The following CACNA1C variants were observed in gnomAD, a reference collection of about 807,000 sequenced individuals.
The protein encoded by CACNA1C is voltage-dependent L-type calcium channel subunit alpha-1C.
Under a neutral mutation model 229.0 loss-of-function variants are expected in CACNA1C, and 30 were observed. The ratio of observed to expected loss-of-function variants is 0.13; its 90% CI spans 0.10 to 0.18. The LOEUF (loss-of-function observed/expected upper bound fraction) is 0.18, where lower values mean the gene tolerates loss of function less well. CACNA1C is among the 10% of genes least tolerant of loss of function. CACNA1C has a pLI of 1.00. For synonymous variants in CACNA1C, 1,114 were observed against 1,132.5 expected, an observed-to-expected ratio of 0.98 and a Z score of 0.33; for missense variants, 1,658 against 2,845.0, an observed-to-expected ratio of 0.58 and a Z score of 9.49.
At chr12:2,284,219 C>G (rs1423576568) in intron 3 of CACNA1C, among the ~76,000 whole-genome samples, 1 of 151,076 alleles carries the variant, frequency 6.6e-6, no homozygotes, top group Non-Finnish European at 1.5e-5. Flanking sequence ...GTGGGGTAAG[C>G]TGGGGAGAGG....
At chr12:2,022,601 A>G (rs141472319) in intron 1 of CACNA1C, among the ~76,000 whole-genome samples, 203 of 151,610 alleles carry the variant, frequency 1.3e-3, no homozygotes, top group Non-Finnish European at 2.1e-3. Flanking sequence ...ATGTGACTAC[A>G]CCCAGCTAAT....
intron 29 of CACNA1C, among the ~76,000 whole-genome samples, chr12:2,615,558 T>C (rs1322804052): frequency 1.3e-5 from 2 of 151,740 alleles, no homozygotes; most frequent in Non-Finnish European, 2.9e-5. Flanking sequence ...AAACTCCCAA[T>C]TGCACTTTGC....
chr12:2,528,877 G>C (rs1421873850), intron 9 of CACNA1C, among the ~76,000 whole-genome samples: 2 of 152,182 alleles, frequency 1.3e-5, no homozygotes, highest in African/African-American at 4.8e-5. Flanking sequence ...GTGATCTGAG[G>C]ATGGATGTTT....
At chr12:2,013,065 C>G (rs2044710024) in intron 1 of CACNA1C, among the ~76,000 whole-genome samples, 1 of 152,174 alleles carries the variant, frequency 6.6e-6, no homozygotes, top group Admixed American at 6.5e-5. Context: ...ATGTCTTTCT[C>G]TTTTGGAGAC....
At position 2,679,347 on chromosome 12, in the gene CACNA1C, C is replaced by T. The variant is rs2097004053; in HGVS notation, c.5092-97C>T. 2 of 931,534 alleles carry T rather than the reference C, an allele frequency of 2.1e-6. No individual in the cohort carries two copies. The highest frequency in any genetic ancestry group is 3.1e-6 in the Non-Finnish European group (2 of 636,872). The allele number at this position is 931,534 out of a possible 1,614,324, so 57.7% of individuals were successfully genotyped here. On this transcript the variant is annotated intron_variant, in intron 41 of 46. Transcript: ENST00000399655. This position sits in a 1 kb window ranked among gnomAD's most constrained non-coding sequence, Gnocchi z 5.5. ...CCCGAAAGAAGGCAGCCCGCCTTCC[C>T]AGGCCCTGCACTTCCCTGACCTGGC...
chr12:2,093,244 G>A (rs1321307981), intron 1 of CACNA1C, among the ~76,000 whole-genome samples: 1 of 152,190 alleles, frequency 6.6e-6, no homozygotes, highest in Non-Finnish European at 1.5e-5. Flanking sequence ...TCCTTCCCAG[G>A]GAGGCTAGTG....
At position 2,579,616 on chromosome 12, in the gene CACNA1C, C is replaced by T. The variant is rs139779649; in HGVS notation, c.1896-1974C>T. On this transcript the variant is annotated intron_variant, in intron 13 of 46. Coordinates refer to ENST00000399655, the MANE Select transcript of CACNA1C (RefSeq NM_000719.7). ...AATATTTTAGGACAGGGTCTCACTC[C>T]GTCACCCAGGATGAAGGGCAATGGT... 4.8e-3 allele frequency among the ~76,000 whole-genome samples: 737 copies of T among 152,148 alleles called. 20 individuals carry two copies. Among genetic ancestry groups the T allele is most frequent in the Admixed American group, 0.041 (629 of 15,284 alleles).
rs940550602 is a variant in CACNA1C, at chr12:2,144,245, C to G, written c.477+23815C>G. Among the ~76,000 whole-genome samples the G allele has an allele frequency of 2.6e-5, 4 of 151,298 alleles. 1 individual carries two copies. The Admixed American group carries it at 2.7e-4, about 10-fold the overall frequency. On this transcript the variant is annotated intron_variant, in intron 3 of 46. Coordinates refer to ENST00000399655, the MANE Select transcript of CACNA1C (RefSeq NM_000719.7). The stretch of plus-strand genomic sequence containing the variant: ...GAATTGGAGTGGTAGAAAAGGATTT[C>G]TTGGAAGAAGCCGGGCTTGAGTGCC...
At chr12:2,377,326 A>G (rs948938812) in intron 3 of CACNA1C, among the ~76,000 whole-genome samples, 4 of 152,114 alleles carry the variant, frequency 2.6e-5, no homozygotes, top group Non-Finnish European at 4.4e-5. Context: ...TGATGTTGTC[A>G]TGCCGAAGCC....
intron 10 of CACNA1C, among the ~76,000 whole-genome samples, chr12:2,555,544 A>G (rs1044023781): frequency 3.3e-5 from 5 of 152,216 alleles, no homozygotes; most frequent in African/African-American, 1.2e-4. Flanking sequence ...CCAGCACCCA[A>G]TTAGCAGCTG....
At chr12:2,317,173 G>T (rs533011678) in intron 3 of CACNA1C, among the ~76,000 whole-genome samples, 2 of 152,254 alleles carry the variant, frequency 1.3e-5, no homozygotes, top group African/African-American at 4.8e-5. Context: ...GCACCCTAAA[G>T]AATTGAAAGC....
At chr12:2,005,857 T>G (rs1041904037) in intron 1 of CACNA1C, among the ~76,000 whole-genome samples, 5 of 152,224 alleles carry the variant, frequency 3.3e-5, no homozygotes, top group Non-Finnish European at 5.9e-5. Flanking sequence ...ACATTGCAGC[T>G]AAGCTTTGAG....
intron 1 of CACNA1C, among the ~76,000 whole-genome samples, chr12:2,024,736 C>T (rs1364644923): frequency 6.6e-6 from 1 of 152,200 alleles, no homozygotes; most frequent in Non-Finnish European, 1.5e-5. Context: ...TAAGATGAAC[C>T]AAAGGGCCTG....
intron 8 of CACNA1C, among the ~76,000 whole-genome samples, chr12:2,507,362 C>T (rs1020078883): frequency 1.3e-5 from 2 of 152,158 alleles, no homozygotes; most frequent in African/African-American, 4.8e-5. Flanking sequence ...AAGGGCTGGC[C>T]ACTCTGAATT....
At position 2,346,972 on chromosome 12, in the gene CACNA1C, G is replaced by A. The variant is rs1010640239; in HGVS notation, c.478-102004G>A. On this transcript the variant is annotated intron_variant, in intron 3 of 46. Coordinates refer to ENST00000399655, the MANE Select transcript of CACNA1C (RefSeq NM_000719.7). This position sits in a 1 kb window ranked among gnomAD's most constrained non-coding sequence, Gnocchi z 4.4. ...TTGTATAACCCTTTCCACTGGCTGG[G>A]GCCACAGACCTTACAGGACTAAGAG... Among the ~76,000 whole-genome samples, 8 of 152,062 alleles carry A rather than the reference G, an allele frequency of 5.3e-5. No individual in the cohort carries two copies. Among genetic ancestry groups the A allele is most frequent in the Non-Finnish European group, 1.2e-4 (8 of 68,030 alleles).
chr12:2,327,225 A>G (rs957229631), intron 3 of CACNA1C, among the ~76,000 whole-genome samples: 1 of 152,194 alleles, frequency 6.6e-6, no homozygotes, highest in Non-Finnish European at 1.5e-5. Flanking sequence ...CTTGAGATTG[A>G]GGTCCTGGAT....
At chr12:2,139,286 C>T (rs2093891594) in intron 3 of CACNA1C, among the ~76,000 whole-genome samples, 1 of 151,150 alleles carries the variant, frequency 6.6e-6, no homozygotes, top group Non-Finnish European at 1.5e-5. Context: ...GTGTTTGTGT[C>T]TCTGTGTCCA....
At chr12:2,517,368 GAC>G (rs1488611360) in intron 9 of CACNA1C, among the ~76,000 whole-genome samples, 4 of 152,216 alleles carry the variant, frequency 2.6e-5, no homozygotes, top group Middle Eastern at 3.2e-3. Flanking sequence ...ATGGCCTCAA[GAC>G]AGTCAGTGTC....
rs1293330769 is a variant in CACNA1C, at chr12:2,697,232, C to G, written c.*6033C>G. The G allele has an allele frequency of 6.6e-6, 1 of 152,232 alleles. No individual in the cohort carries two copies. The highest frequency in any genetic ancestry group is 1.5e-5 in the Non-Finnish European group (1 of 68,072). The allele number at this position is 152,232 out of a possible 1,614,324, so 9.4% of individuals were successfully genotyped here. On this transcript the variant is annotated 3_prime_UTR_variant, in exon 47 of 47. Transcript: ENST00000399655. ...TTATATACCACCCCATTGCCATGTC[C>G]TGTCCTGGCCAGAATGCATGCTGTT...
Sources: gnomAD v4.1 joint callset for allele counts (sites outside exome capture counted in the v4.1 genomes callset) on GRCh38, gnomAD v4.1.1 for gene constraint, Gnocchi (gnomAD v3.1) non-coding constraint, MANE v1.5 for transcripts, NCBI Gene and HGNC (gene_info 2026-07-23, HGNC 2026-07-21) for gene names.